The following COL4A1 variants were observed in gnomAD, a reference collection of about 807,000 sequenced individuals.
COL4A1 encodes the protein collagen type IV alpha 1 chain.
Under a neutral mutation model 216.6 loss-of-function variants are expected in COL4A1, and 40 were observed. That is an observed-to-expected ratio of 0.18 (90% CI 0.14 to 0.24). The LOEUF is 0.24. COL4A1 is among the 10% of genes least tolerant of loss of function. The pLI is 1.00. For synonymous variants in COL4A1, 839 were observed against 810.7 expected, an observed-to-expected ratio of 1.03 and a Z score of -0.59; for missense variants, 1,628 against 2,196.8, an observed-to-expected ratio of 0.74 and a Z score of 5.18.
Position 110,166,226 on chromosome 13 carries a change from T to G in COL4A1, c.4021+6A>C. 1 of 1,578,214 alleles carries G rather than the reference T, an allele frequency of 6.3e-7. No homozygotes were observed. The highest frequency in any genetic ancestry group is 1.1e-5 in the South Asian group (1 of 90,350). ...AAGGTGTCCACAGATCAACAAACTC[T>G]CCTACCTTTAGCTCCCGGGACGCCT... On this transcript the variant is annotated splice_donor_region_variant and intron_variant, in intron 45 of 51. Transcript: ENST00000375820.
chr13:110,156,578 G>A (rs556200272), intron 49 of COL4A1, among the ~76,000 whole-genome samples: 7 of 152,304 alleles, frequency 4.6e-5, no homozygotes, highest in Admixed American at 2.6e-4. Flanking sequence ...ATTCAGCTCA[G>A]CCTTGGGACT....
chr13:110,165,122 C>T, intron 45 of COL4A1, 132 bp from the exon 46 acceptor site: 1 of 1,336,358 alleles, frequency 7.5e-7, no homozygotes, highest in Non-Finnish European at 1.0e-6. Context: ...ATTATCAAAA[C>T]CCAGGTAATC....
At chr13:110,258,799 A>G (rs1445032377) in intron 1 of COL4A1, among the ~76,000 whole-genome samples, 1 of 152,238 alleles carries the variant, frequency 6.6e-6, no homozygotes, top group Non-Finnish European at 1.5e-5. Context: ...AGTTCCCACA[A>G]TATATATATT....
chr13:110,214,533 C>T (rs1400919555), intron 2 of COL4A1, among the ~76,000 whole-genome samples: 3 of 152,120 alleles, frequency 2.0e-5, no homozygotes, highest in Non-Finnish European at 4.4e-5. Context: ...GGAAGATCTG[C>T]CCTCACCCAG....
At chr13:110,170,110 GAAA>G (rs1203764945) in intron 42 of COL4A1, among the ~76,000 whole-genome samples, 1 of 74,956 alleles carries the variant, frequency 1.3e-5, no homozygotes, top group Non-Finnish European at 2.7e-5. Context: ...AGGAAGGGAG[GAAA>G]GAAGGAAGGA....
chr13:110,161,480 C>T (rs1877085142), intron 48 of COL4A1, 111 bp from the exon 49 acceptor site: 2 of 1,248,326 alleles, frequency 1.6e-6, no homozygotes, highest in Non-Finnish European at 2.3e-6. Context: ...TCAACATAAT[C>T]ACTGAAATGG....
rs117232093 is a variant in COL4A1 at position 110,283,873 on chromosome 13, G to A, written c.84+23071C>T. Among the ~76,000 whole-genome samples the A allele has an allele frequency of 3.0e-3, 457 of 152,286 alleles. 1 individual carries two copies. Among genetic ancestry groups the A allele is most frequent in the Non-Finnish European group, 5.6e-3 (381 of 68,028 alleles). On this transcript the variant is annotated intron_variant, in intron 1 of 51. Transcript: ENST00000375820. ...GACTTTAGTCACTGTGGCTGGGCTG[G>A]CAAAGCTGTCACATGTCGACAGGAT... is the stretch of plus-strand genomic sequence containing the variant.
chr13:110,205,600 TG>T, intron 15 of COL4A1, 62 bp from the exon 16 acceptor site: 1 of 1,576,748 alleles, frequency 6.3e-7, no homozygotes, highest in Non-Finnish European at 8.7e-7. Context: ...CGGTGGCTCA[TG>T]CCTGTAATCC....
chr13:110,249,650 A>C (rs1262812488), intron 1 of COL4A1, among the ~76,000 whole-genome samples: 1 of 152,162 alleles, frequency 6.6e-6, no homozygotes, highest in Non-Finnish European at 1.5e-5. Context: ...TCTGGTCCGT[A>C]GTCTGGGTTC....
At position 110,222,490 on chromosome 13, in the gene COL4A1, C is replaced by CCT. The variant is rs1555308292; in HGVS notation, c.145-8476_145-8475insAG. On this transcript the variant is annotated intron_variant, in intron 2 of 51. Transcript: ENST00000375820. ...GGACCTTAAAGAATTAAGGCTTTTTCAGGCCGGGCGCGGTGGCTCACGCCT... is the reference window on the plus strand; with the variant it reads ...GGACCTTAAAGAATTAAGGCTTTTTCCTAGGCCGGGCGCGGTGGCTCACGCCT... Among the ~76,000 whole-genome samples, 406 of 151,406 alleles carry CCT rather than the reference C, an allele frequency of 2.7e-3. 17 individuals carry two copies. Among genetic ancestry groups the CCT allele is most frequent in the Admixed American group, 5.4e-3 (82 of 15,130 alleles).
intron 2 of COL4A1, among the ~76,000 whole-genome samples, chr13:110,225,863 C>T (rs1217639065): frequency 6.6e-6 from 1 of 152,180 alleles, no homozygotes; most frequent in East Asian, 1.9e-4. Flanking sequence ...TGAAAATCAG[C>T]TTTGCCATCA....
chr13:110,242,610 T>A, intron 2 of COL4A1, 65 bp downstream of exon 2: 1 of 1,528,982 alleles, frequency 6.5e-7, no homozygotes, highest in Non-Finnish European at 9.1e-7. Context: ...ATTCGGTTAC[T>A]GTTAATGTAG....
At chr13:110,169,833 C>G in intron 42 of COL4A1, 71 bp from the exon 43 acceptor site, 1 of 1,552,612 alleles carries the variant, frequency 6.4e-7, no homozygotes, top group Non-Finnish European at 8.7e-7. Flanking sequence ...GTGGGGCTAT[C>G]AATACTGCCA....
At chr13:110,214,155 G>C (rs375501425) in intron 2 of COL4A1, 140 bp from the exon 3 acceptor site, 1 of 715,700 alleles carries the variant, frequency 1.4e-6, no homozygotes, top group Non-Finnish European at 2.4e-6. Context: ...GTGCATGCAC[G>C]ATCTCGGCTC....
rs924225800 is a variant in COL4A1, at chr13:110,178,840, T to C, written c.2458+83A>G. On this transcript the variant is annotated intron_variant, in intron 31 of 51. Coordinates refer to ENST00000375820, the MANE Select transcript of COL4A1 (RefSeq NM_001845.6). Reference sequence around the variant, plus strand: ...TCTCATACATTGTGCTAAGCTTCACTTTATAGGGACCCCGGCCTCATCCCC... The same window carrying C: ...TCTCATACATTGTGCTAAGCTTCACCTTATAGGGACCCCGGCCTCATCCCC... 1.7e-5 allele frequency: 18 copies of C among 1,059,110 alleles called. No homozygotes were observed. In the African/African-American group the frequency reaches 2.7e-4, roughly 16 times the overall value. 65.6% of individuals were successfully genotyped at this position (1,059,110 alleles called of 1,614,324 possible). A position where few individuals can be genotyped will look rare whatever the true frequency, so the allele number is the denominator to read the frequency against.
At chr13:110,189,121 T>C (rs552764868) in intron 24 of COL4A1, among the ~76,000 whole-genome samples, 46 of 152,364 alleles carry the variant, frequency 3.0e-4, no homozygotes, top group Non-Finnish European at 6.2e-4. Flanking sequence ...TGGAGTGCAA[T>C]GGCGCCATCT....
intron 1 of COL4A1, among the ~76,000 whole-genome samples, chr13:110,262,219 G>A (rs1241804867): frequency 6.6e-6 from 1 of 152,218 alleles, no homozygotes; most frequent in East Asian, 1.9e-4. Context: ...AGTCCCACAG[G>A]CAAGGACCGC....
At chr13:110,170,485 C>T (rs1460031287) in intron 42 of COL4A1, 62 bp downstream of exon 42, 28 of 1,505,294 alleles carry the variant, frequency 1.9e-5, no homozygotes, top group Non-Finnish European at 2.3e-5. Flanking sequence ...TTCTTTTACG[C>T]TATTTCCTTT....
At position 110,253,261 on chromosome 13, in the gene COL4A1, G is replaced by A. The variant is rs1250916236; in HGVS notation, c.85-10527C>T. ...ATTAGGTATATATACATATAATTAG[G>A]TATATATACATATAATTATATGTAT... On this transcript the variant is annotated intron_variant, in intron 1 of 51. Coordinates refer to ENST00000375820, the MANE Select transcript of COL4A1 (RefSeq NM_001845.6). Among the ~76,000 whole-genome samples the A allele has an allele frequency of 1.6e-5, 2 of 125,026 alleles. 1 individual carries two copies. The highest frequency in any genetic ancestry group is 3.2e-5 in the Non-Finnish European group (2 of 62,436). The allele number at this position is 125,026 out of a possible 152,430, so 82.0% of individuals were successfully genotyped here. A position where few individuals can be genotyped will look rare whatever the true frequency, so the allele number is the denominator to read the frequency against.
Sources: allele counts gnomAD v4.1 joint callset (sites outside exome capture counted in the v4.1 genomes callset), GRCh38; gene constraint gnomAD v4.1.1; transcripts MANE v1.5; gene names NCBI Gene and HGNC (gene_info 2026-07-23, HGNC 2026-07-21).